ZBTB20: variants seen among roughly 807,000 people sequenced by gnomAD.
ZBTB20 encodes the protein zinc finger and BTB domain containing 20.
In ZBTB20, 9 loss-of-function variants were observed where a neutral mutation model predicts 56.9. The observed-to-expected ratio is 0.16, with a 90% CI of 0.10 to 0.28. ZBTB20 has a LOEUF of 0.28. ZBTB20 is among the 10% of genes least tolerant of loss of function. The pLI, the probability that ZBTB20 is intolerant of heterozygous loss-of-function variation, is 1.00. For synonymous variants in ZBTB20, 417 were observed against 420.7 expected, an observed-to-expected ratio of 0.99 and a Z score of 0.11; for missense variants, 655 against 1,003.0, an observed-to-expected ratio of 0.65 and a Z score of 4.69.
chr3:114,391,043 T>G lies in ZBTB20; in HGVS notation c.-254-1938A>C, dbSNP rs138261133. On this transcript the variant is annotated intron_variant, in intron 7 of 11. Transcript: ENST00000675478. ...AGCTACCCAATCCTGTAGATTCTAC[T>G]CTGATTGTGATTCCTGAATCAATAC... is the stretch of plus-strand genomic sequence containing the variant. Among the ~76,000 whole-genome samples, 137 of 152,216 alleles carry G rather than the reference T, an allele frequency of 9.0e-4. 1 individual carries two copies. In the East Asian group the frequency reaches 0.025, roughly 27 times the overall value.
chr3:114,613,187 C>A (rs971418277), intron 6 of ZBTB20, among the ~76,000 whole-genome samples: 9 of 152,128 alleles, frequency 5.9e-5, no homozygotes, highest in African/African-American at 1.7e-4. Context: ...GGACTAGGTA[C>A]TGGTATTAAG....
chr3:114,677,878 C>T (rs1425637125), intron 6 of ZBTB20, among the ~76,000 whole-genome samples: 1 of 152,120 alleles, frequency 6.6e-6, no homozygotes. Flanking sequence ...CTTATTCCTT[C>T]TTTTAAATCA....
intron 2 of ZBTB20, among the ~76,000 whole-genome samples, chr3:115,032,198 GT>G (rs2080715857): frequency 6.6e-6 from 1 of 151,200 alleles, no homozygotes; most frequent in South Asian, 2.1e-4. Context: ...ATGTAATATG[GT>G]CCAGATTGCG....
At chr3:115,116,559 AGATT>A (rs758226512) in intron 1 of ZBTB20, among the ~76,000 whole-genome samples, 1 of 152,072 alleles carries the variant, frequency 6.6e-6, no homozygotes, top group Non-Finnish European at 1.5e-5. Flanking sequence ...TAACTACATT[AGATT>A]GATAATAAGA....
intron 4 of ZBTB20, among the ~76,000 whole-genome samples, chr3:114,802,430 C>G (rs1022190488): frequency 1.6e-4 from 24 of 151,688 alleles, no homozygotes; most frequent in African/African-American, 5.6e-4. Context: ...AGATTTTAAG[C>G]GTAAACATGC....
At chr3:114,789,125 A>AT (rs1355892269) in intron 5 of ZBTB20, among the ~76,000 whole-genome samples, 1 of 152,084 alleles carries the variant, frequency 6.6e-6, no homozygotes. Flanking sequence ...CTAATTAATT[A>AT]TTTTCATGCA....
At chr3:114,632,252 C>A (rs1301946681) in intron 6 of ZBTB20, among the ~76,000 whole-genome samples, 3 of 152,186 alleles carry the variant, frequency 2.0e-5, no homozygotes, top group African/African-American at 7.2e-5. Context: ...CTGCCAGCTG[C>A]AGGTGGTTAT....
At chr3:114,655,005 T>C (rs954974293) in intron 6 of ZBTB20, among the ~76,000 whole-genome samples, 8 of 152,200 alleles carry the variant, frequency 5.3e-5, no homozygotes, top group Middle Eastern at 3.4e-3. Flanking sequence ...CTTTCTATCT[T>C]TTCACTCTCA....
intron 6 of ZBTB20, among the ~76,000 whole-genome samples, chr3:114,543,216 T>C (rs925316680): frequency 2.0e-5 from 3 of 152,182 alleles, no homozygotes; most frequent in Admixed American, 2.0e-4. Flanking sequence ...TAAGTGGTTG[T>C]TATAGGGTAT....
chr3:115,112,771 C>T (rs968346738), intron 1 of ZBTB20, among the ~76,000 whole-genome samples: 40 of 152,060 alleles, frequency 2.6e-4, no homozygotes, highest in East Asian at 1.2e-3. Flanking sequence ...CATGGGAGTG[C>T]GGGTGTTCCT....
At chr3:114,492,332 A>G (rs1305826933) in intron 7 of ZBTB20, among the ~76,000 whole-genome samples, 1 of 152,186 alleles carries the variant, frequency 6.6e-6, no homozygotes. Flanking sequence ...ATCTATCCAA[A>G]GTACCTCACA....
intron 6 of ZBTB20, among the ~76,000 whole-genome samples, chr3:114,539,431 C>G (rs1422342955): frequency 1.3e-5 from 2 of 152,070 alleles, no homozygotes; most frequent in African/African-American, 4.8e-5. Flanking sequence ...TTTCAAAGTG[C>G]TTCCACATAC....
chr3:114,448,882 C>T (rs1460234917), intron 7 of ZBTB20, among the ~76,000 whole-genome samples: 1 of 152,044 alleles, frequency 6.6e-6, no homozygotes, highest in Non-Finnish European at 1.5e-5. Flanking sequence ...AACCTTTTCT[C>T]TTGTAGGTTA....
At chr3:114,602,455 T>C (rs536706469) in intron 6 of ZBTB20, among the ~76,000 whole-genome samples, 1 of 152,180 alleles carries the variant, frequency 6.6e-6, no homozygotes, top group South Asian at 2.1e-4. Context: ...TTTAGGATTC[T>C]TTGATAGAAG....
intron 7 of ZBTB20, among the ~76,000 whole-genome samples, chr3:114,414,195 C>G (rs760287895): frequency 3.1e-4 from 47 of 152,154 alleles, no homozygotes; most frequent in Non-Finnish European, 6.2e-4. Context: ...AAACTCTTCT[C>G]TATCAACTAA....
intron 6 of ZBTB20, among the ~76,000 whole-genome samples, chr3:114,532,255 C>T (rs150201521): frequency 2.9e-4 from 44 of 152,252 alleles, no homozygotes; most frequent in Non-Finnish European, 5.4e-4. Flanking sequence ...TCCTTGCTGC[C>T]AGCACGGCAG....
At chr3:114,462,862 T>G (rs1394570284) in intron 7 of ZBTB20, among the ~76,000 whole-genome samples, 4 of 152,210 alleles carry the variant, frequency 2.6e-5, no homozygotes, top group African/African-American at 9.6e-5. Context: ...AAGCTAACCA[T>G]GTCTTTTCCT....
chr3:115,011,255 A>T (rs2079694527), intron 2 of ZBTB20, among the ~76,000 whole-genome samples: 1 of 151,964 alleles, frequency 6.6e-6, no homozygotes, highest in Non-Finnish European at 1.5e-5. Context: ...ATAATAACAG[A>T]GAACTTCCCA....
intron 3 of ZBTB20, among the ~76,000 whole-genome samples, chr3:114,947,100 C>T (rs781102469): frequency 1.4e-5 from 2 of 145,056 alleles, no homozygotes; most frequent in Non-Finnish European, 3.0e-5. Flanking sequence ...ATTAAAATCA[C>T]GATGAGAGAT....
Sources: gnomAD v4.1 joint callset for allele counts (sites outside exome capture counted in the v4.1 genomes callset) on GRCh38, gnomAD v4.1.1 for gene constraint, MANE v1.5 for transcripts, NCBI Gene and HGNC (gene_info 2026-07-23, HGNC 2026-07-21) for gene names.